DEPDC1B: variants seen among roughly 807,000 people sequenced by gnomAD.
The protein encoded by DEPDC1B is DEP domain containing 1B.
In DEPDC1B, 51 loss-of-function variants were observed where a neutral mutation model predicts 66.5. The observed-to-expected ratio is 0.77, with a 90% CI of 0.61 to 0.97. The LOEUF is 0.97. Among genes scored for constraint, DEPDC1B ranks in the 50% least tolerant of loss-of-function variants. The probability of loss-of-function intolerance (pLI) is 0.00; values close to 1 mark genes in which losing one functional copy is unlikely to be tolerated. For missense variants in DEPDC1B, 552 were observed against 637.1 expected (o/e 0.87, Z 1.44); for synonymous variants, 226 against 223.6 (o/e 1.01, Z -0.10).
chr5:60,652,933 T>C (rs1323031532), intron 2 of DEPDC1B, among the ~76,000 whole-genome samples: 1 of 149,386 alleles, frequency 6.7e-6, no homozygotes, highest in Non-Finnish European at 1.5e-5. Flanking sequence ...ATGTCATTAT[T>C]TTGTTCCTTT....
intron 7 of DEPDC1B, among the ~76,000 whole-genome samples, chr5:60,632,115 T>C (rs1752938818): frequency 2.0e-5 from 3 of 152,230 alleles, no homozygotes; most frequent in African/African-American, 7.2e-5. Flanking sequence ...TGCTGTTTCA[T>C]TAATTCACTA....
At chr5:60,695,294 G>A (rs1754629325) in intron 1 of DEPDC1B, among the ~76,000 whole-genome samples, 1 of 152,142 alleles carries the variant, frequency 6.6e-6, no homozygotes, top group South Asian at 2.1e-4. Context: ...TTTCTGGTGA[G>A]GCCTCAGGAA....
At position 60,605,839 on chromosome 5, in the gene DEPDC1B, T is replaced by C; in HGVS notation, c.916A>G (p.Lys306Glu). 1 of 1,611,158 alleles carries C rather than the reference T, an allele frequency of 6.2e-7. No individual in the cohort carries two copies. Among genetic ancestry groups the C allele is most frequent in the Non-Finnish European group, 8.5e-7 (1 of 1,179,012 alleles). Reference protein sequence around the residue: ...VSVLGLLQKEKVAVEAFQICC... With the variant: ...VSVLGLLQKEEVAVEAFQICC... ...ATCTGAAATGCTTCAACTGCCACTT[T>C]CTCCTTCTGTAACAAACCTGATTTA... Residue 306 changes from lysine (K) to glutamate (E), a missense_variant, in exon 8 of 11, where the codon AAA (lysine) becomes GAA (glutamate). Lys to Glu is a moderately conservative substitution (Grantham distance 56). Transcript: ENST00000265036.
intron 2 of DEPDC1B, among the ~76,000 whole-genome samples, chr5:60,675,249 T>G (rs1365783007): frequency 6.6e-6 from 1 of 152,126 alleles, no homozygotes; most frequent in Non-Finnish European, 1.5e-5. Context: ...AAAAGGAGTT[T>G]GGCAAGAAAC....
At chr5:60,605,571 GAC>G in intron 8 of DEPDC1B, 117 bp downstream of exon 8, 3 of 1,089,838 alleles carry the variant, frequency 2.8e-6, no homozygotes, top group Non-Finnish European at 3.9e-6. Context: ...GGTGGACACT[GAC>G]TGTGGCTCTT....
intron 2 of DEPDC1B, among the ~76,000 whole-genome samples, chr5:60,662,689 C>T (rs1753748221): frequency 1.3e-5 from 2 of 152,088 alleles, no homozygotes; most frequent in African/African-American, 2.4e-5. Flanking sequence ...CGTCCATGCC[C>T]GTGATGTCAA....
intron 1 of DEPDC1B, among the ~76,000 whole-genome samples, chr5:60,694,441 T>C (rs1314571932): frequency 1.3e-5 from 2 of 152,192 alleles, no homozygotes; most frequent in Non-Finnish European, 2.9e-5. Context: ...CCAAGGCTTT[T>C]GTTTACTTTT....
chr5:60,643,464 G>A (rs1353756426), intron 5 of DEPDC1B, among the ~76,000 whole-genome samples: 2 of 152,100 alleles, frequency 1.3e-5, no homozygotes, highest in Non-Finnish European at 2.9e-5. Context: ...TTCCCTCCAC[G>A]CCCTGCCACA....
At chr5:60,640,326 C>G (rs1230013058) in intron 6 of DEPDC1B, among the ~76,000 whole-genome samples, 1 of 152,092 alleles carries the variant, frequency 6.6e-6, no homozygotes, top group Non-Finnish European at 1.5e-5. Flanking sequence ...ACGGTTCATT[C>G]TAAGCAGTTG....
chr5:60,677,320 ACACACACTCTCTCTCT>A (rs1357747872), intron 2 of DEPDC1B, among the ~76,000 whole-genome samples: 3 of 107,730 alleles, frequency 2.8e-5, no homozygotes, highest in Non-Finnish European at 5.4e-5. Context: ...ACACACACAC[ACACACACTCTCTCTCT>A]CTCTCTCTCT....
intron 3 of DEPDC1B, 29 bp downstream of exon 3, chr5:60,647,369 C>T: frequency 6.4e-7 from 1 of 1,570,486 alleles, no homozygotes. Flanking sequence ...CTGCTGCCAG[C>T]CCTTCCATCT....
chr5:60,673,081 T>C (rs1157666781), intron 2 of DEPDC1B, among the ~76,000 whole-genome samples: 3 of 152,138 alleles, frequency 2.0e-5, no homozygotes, highest in African/African-American at 7.2e-5. Context: ...TGTGTAATAA[T>C]ACCTAACTTG....
chr5:60,600,938 C>A lies in DEPDC1B; in HGVS notation c.1243-1678G>T, dbSNP rs535836683. Among the ~76,000 whole-genome samples the A allele has an allele frequency of 2.0e-5, 3 of 152,298 alleles. No homozygotes were observed. The East Asian group carries it at 5.8e-4, about 29-fold the overall frequency. ...CCTTGCTGTGGGAGATGGGAGGTAACTGAATCACAGGGTGGTTCCCCCCAT... is the reference window on the plus strand; with the variant it reads ...CCTTGCTGTGGGAGATGGGAGGTAAATGAATCACAGGGTGGTTCCCCCCAT... On this transcript the variant is annotated intron_variant, in intron 9 of 10. Coordinates refer to ENST00000265036, the MANE Select transcript of DEPDC1B (RefSeq NM_018369.3).
At chr5:60,644,204 T>C (rs1315612481) in intron 5 of DEPDC1B, among the ~76,000 whole-genome samples, 1 of 152,204 alleles carries the variant, frequency 6.6e-6, no homozygotes, top group Non-Finnish European at 1.5e-5. Flanking sequence ...AAAACCATGT[T>C]AGGTGGCTGT....
chr5:60,687,206 A>G lies in DEPDC1B; in HGVS notation c.70T>C (p.Phe24Leu), dbSNP rs761263099. The part of the protein sequence containing the change: ...TRLWNETVEL[F>L]RAKMPLRKHR... ...TTCCGTAACGGCATCTTAGCACGAAAAAGCTCCACGGTCTCATTCCACTAG... is the reference window on the plus strand; with the variant it reads ...TTCCGTAACGGCATCTTAGCACGAAGAAGCTCCACGGTCTCATTCCACTAG... The change falls in exon 2 of 11, where the codon TTT becomes CTT. Residue 24 changes from phenylalanine to leucine, a missense_variant. By Grantham distance (22) the Phe-to-Leu change is conservative. Coordinates refer to ENST00000265036, the MANE Select transcript of DEPDC1B (RefSeq NM_018369.3). The G allele has an allele frequency of 3.7e-6, 6 of 1,612,056 alleles. No homozygotes were observed. The African/African-American group carries it at 6.7e-5, about 18-fold the overall frequency.
rs575009018 is a variant in DEPDC1B at position 60,647,371 on chromosome 5, C to T, written c.450+27G>A. 5.2e-5 allele frequency: 82 copies of T among 1,572,726 alleles called. No individual in the cohort carries two copies. In the South Asian group the frequency reaches 9.4e-4, roughly 18 times the overall value. ...TGGATGATTCTCCCTGCTGCCAGCCCTTCCATCTTTCAGTCATGGCACTTA... is the reference window on the plus strand; with the variant it reads ...TGGATGATTCTCCCTGCTGCCAGCCTTTCCATCTTTCAGTCATGGCACTTA... On this transcript the variant is annotated intron_variant, in intron 3 of 10. Transcript: ENST00000265036.
At chr5:60,679,975 A>C (rs748140108) in intron 2 of DEPDC1B, among the ~76,000 whole-genome samples, 53 of 152,240 alleles carry the variant, frequency 3.5e-4, no homozygotes, top group Non-Finnish European at 7.1e-4. Flanking sequence ...TAAAGGGGAA[A>C]GTGTCTGAGG....
At chr5:60,604,509 C>T (rs1404872573) in intron 8 of DEPDC1B, among the ~76,000 whole-genome samples, 1 of 152,070 alleles carries the variant, frequency 6.6e-6, no homozygotes, top group African/African-American at 2.4e-5. Flanking sequence ...GAGTGAGCCA[C>T]CACGCCCAGC....
At chr5:60,665,602 A>G (rs950942620) in intron 2 of DEPDC1B, among the ~76,000 whole-genome samples, 2 of 152,196 alleles carry the variant, frequency 1.3e-5, no homozygotes, top group African/African-American at 4.8e-5. Context: ...TCTCAACTGC[A>G]TGACCCCTAT....
Sources: allele counts gnomAD v4.1 joint callset (sites outside exome capture counted in the v4.1 genomes callset), GRCh38; gene constraint gnomAD v4.1.1; transcripts MANE v1.5; gene names NCBI Gene and HGNC (gene_info 2026-07-23, HGNC 2026-07-21).